The following GSPT1 variants were observed in gnomAD, a reference collection of about 807,000 sequenced individuals.
GSPT1 encodes the protein eukaryotic peptide chain release factor GTP-binding subunit ERF3A.
Under a neutral mutation model 72.5 loss-of-function variants are expected in GSPT1, and 20 were observed. That is an observed-to-expected ratio of 0.28 (90% confidence interval 0.19 to 0.40). The LOEUF (loss-of-function observed/expected upper bound fraction) is 0.40, where lower values mean the gene tolerates loss of function less well. GSPT1 is among the 10% of genes least tolerant of loss of function. The pLI is 1.00. For missense variants in GSPT1, 580 were observed against 811.9 expected (o/e 0.71, Z 3.47); for synonymous variants, 334 against 293.5 (o/e 1.14, Z -1.41).
chr16:11,882,690 C>T (rs2054136165), intron 11 of GSPT1: 2 of 196,336 alleles, frequency 1.0e-5, no homozygotes, highest in East Asian at 2.3e-4. Context: ...CATGATGGCT[C>T]ACGCCCGTAA....
intron 6 of GSPT1, among the ~76,000 whole-genome samples, chr16:11,889,235 G>A (rs1444319173): frequency 2.0e-5 from 3 of 151,816 alleles, no homozygotes; most frequent in East Asian, 1.9e-4. Context: ...GTGAACCCAG[G>A]AGGTGGAGCT....
Position 11,915,569 on chromosome 16 carries a change from G to C in GSPT1, c.152C>G (p.Ala51Gly). The change falls in exon 1 of 15, where the codon GCG becomes GGG. Residue 51 changes from alanine (A) to glycine (G), a missense_variant. Coordinates refer to ENST00000434724, the MANE Select transcript of GSPT1 (RefSeq NM_002094.4). ...PGPCGGGGSL[A>G]AAAEAQRENL... ...CTCCCGCTGGGCCTCGGCCGCCGCC[G>C]CCAGGGAGCCGCCGCCGCCGCAAGG... 6.7e-7 allele frequency: 1 copy of C among 1,488,992 alleles called. No homozygotes were observed. The highest frequency in any genetic ancestry group is 8.9e-7 in the Non-Finnish European group (1 of 1,119,970). The allele number at this position is 1,488,992 out of a possible 1,614,324, so 92.2% of individuals were successfully genotyped here.
At chr16:11,911,068 T>G (rs145155105) in intron 1 of GSPT1, among the ~76,000 whole-genome samples, 16 of 152,376 alleles carry the variant, frequency 1.1e-4, no homozygotes, top group African/African-American at 3.8e-4. Flanking sequence ...CCCCATCTGC[T>G]GTCCCACTGA....
chr16:11,901,633 A>ATATG (rs2054407837), intron 1 of GSPT1, among the ~76,000 whole-genome samples: 2 of 150,712 alleles, frequency 1.3e-5, no homozygotes, highest in South Asian at 4.2e-4. Context: ...ATATATATAT[A>ATATG]TATATGAATT....
intron 12 of GSPT1, 80 bp from the exon 13 acceptor site, chr16:11,876,255 C>A: frequency 1.1e-6 from 1 of 884,372 alleles, no homozygotes; most frequent in Non-Finnish European, 1.9e-6. Flanking sequence ...CATATAAATC[C>A]CAAGAATTAG....
chr16:11,892,081 T>C (rs1414367622), intron 5 of GSPT1, among the ~76,000 whole-genome samples: 1 of 151,766 alleles, frequency 6.6e-6, no homozygotes, highest in Non-Finnish European at 1.5e-5. Context: ...TGATGGCTCA[T>C]GCCCGTAATC....
intron 1 of GSPT1, among the ~76,000 whole-genome samples, chr16:11,898,691 C>T (rs1415712176): frequency 6.6e-6 from 1 of 152,076 alleles, no homozygotes; most frequent in Non-Finnish European, 1.5e-5. Context: ...CTCAGGTGTT[C>T]TGCCCACCTC....
At chr16:11,892,128 G>A (rs1485135424) in intron 5 of GSPT1, among the ~76,000 whole-genome samples, 2 of 151,414 alleles carry the variant, frequency 1.3e-5, no homozygotes, top group African/African-American at 4.9e-5. Flanking sequence ...AGGATCCCTT[G>A]AGGCCAGGAG....
Position 11,872,683 on chromosome 16 carries a change from A to C in GSPT1, c.*436T>G, listed in dbSNP as rs1167119406. 1 of 154,626 alleles carries C rather than the reference A, an allele frequency of 6.5e-6. No homozygotes were observed. The highest frequency in any genetic ancestry group is 1.4e-5 in the Non-Finnish European group (1 of 69,592). 9.6% of individuals were successfully genotyped at this position (154,626 alleles called of 1,614,324 possible). A position where few individuals can be genotyped will look rare whatever the true frequency, so the allele number is the denominator to read the frequency against. On this transcript the variant is annotated 3_prime_UTR_variant, in exon 15 of 15. Transcript: ENST00000434724. The stretch of plus-strand genomic sequence containing the variant: ...CAATTCAAATACCGAAAAGGATTTC[A>C]AATTGAATATTTTATTAACATGGTA...
intron 1 of GSPT1, among the ~76,000 whole-genome samples, chr16:11,898,719 G>C (rs916030878): frequency 6.6e-6 from 1 of 151,562 alleles, no homozygotes; most frequent in African/African-American, 2.4e-5. Context: ...CAAAGTGCTG[G>C]GATTACAGGC....
At chr16:11,887,016 C>G (rs2054192892) in intron 7 of GSPT1, 85 bp from the exon 8 acceptor site, 1 of 888,280 alleles carries the variant, frequency 1.1e-6, no homozygotes, top group Non-Finnish European at 1.6e-6. Context: ...TCAGTTATAT[C>G]ACGAGTTTTT....
chr16:11,910,151 C>G lies in GSPT1; in HGVS notation c.352+5218G>C, dbSNP rs373120251. Among the ~76,000 whole-genome samples, 209 of 152,246 alleles carry G rather than the reference C, an allele frequency of 1.4e-3. 3 individuals carry two copies. The South Asian group carries it at 0.037, about 27-fold the overall frequency. ...AATACACACAACCTTGGTGATCAGG[C>G]TTTGGCTGCAACTCTGGCCCAGGAG... is the stretch of plus-strand genomic sequence containing the variant. On this transcript the variant is annotated intron_variant, in intron 1 of 14. Coordinates refer to ENST00000434724, the MANE Select transcript of GSPT1 (RefSeq NM_002094.4).
chr16:11,902,847 A>T (rs1208075060), intron 1 of GSPT1, among the ~76,000 whole-genome samples: 1 of 151,838 alleles, frequency 6.6e-6, no homozygotes, highest in Non-Finnish European at 1.5e-5. Context: ...TCAGCCTCCC[A>T]AAGTCCCGGG....
In GSPT1 at chr16:11,882,974, A is replaced by G. The variant is rs375542741; in HGVS notation, c.1428+41T>C. The G allele has an allele frequency of 5.5e-5, 73 of 1,328,080 alleles. No individual in the cohort carries two copies. In the African/African-American group the frequency reaches 8.8e-4, roughly 16 times the overall value. The allele number at this position is 1,328,080 out of a possible 1,614,324, so 82.3% of individuals were successfully genotyped here. ...CCTATCTCTTAAAGAAAAAGAAAAA[A>G]AATCAATAAATAGATAGGAAACAGC... On this transcript the variant is annotated intron_variant, in intron 11 of 14. Transcript: ENST00000434724.
intron 10 of GSPT1, 62 bp downstream of exon 10, chr16:11,885,119 A>G: frequency 1.3e-6 from 1 of 793,442 alleles, no homozygotes; most frequent in Non-Finnish European, 2.2e-6. Context: ...AAAACTAGAA[A>G]CAAAATGCAC....
chr16:11,904,806 C>A (rs1473088201), intron 1 of GSPT1, among the ~76,000 whole-genome samples: 1 of 152,184 alleles, frequency 6.6e-6, no homozygotes, highest in Non-Finnish European at 1.5e-5. Flanking sequence ...AATCTTCAAG[C>A]CGGGTGTAGT....
intron 1 of GSPT1, among the ~76,000 whole-genome samples, chr16:11,913,107 G>T (rs918857815): frequency 2.0e-5 from 3 of 152,134 alleles, no homozygotes; most frequent in African/African-American, 7.2e-5. Context: ...TTCCCCCTTT[G>T]TAAGTTCCAA....
rs1474274534 is a variant in GSPT1 at position 11,872,702 on chromosome 16, C to T, written c.*417G>A. ...GATTTCAAATTGAATATTTTATTAA[C>T]ATGGTAGTTGCCTTTGTAACATGTG... On this transcript the variant is annotated 3_prime_UTR_variant, in exon 15 of 15. Coordinates refer to ENST00000434724, the MANE Select transcript of GSPT1 (RefSeq NM_002094.4). The T allele has an allele frequency of 6.3e-6, 1 of 158,056 alleles. No homozygotes were observed. The highest frequency in any genetic ancestry group is 2.4e-5 in the African/African-American group (1 of 41,694). 9.8% of individuals were successfully genotyped at this position (158,056 alleles called of 1,614,324 possible). A position where few individuals can be genotyped will look rare whatever the true frequency, so the allele number is the denominator to read the frequency against.
intron 10 of GSPT1, among the ~76,000 whole-genome samples, chr16:11,883,519 C>G (rs1009202174): frequency 1.5e-4 from 23 of 150,380 alleles, no homozygotes; most frequent in African/African-American, 5.4e-4. Context: ...ACTCCAGAGG[C>G]TGAAGCAGAA....
Sources: allele counts gnomAD v4.1 joint callset (sites outside exome capture counted in the v4.1 genomes callset), GRCh38; gene constraint gnomAD v4.1.1; transcripts MANE v1.5; gene names NCBI Gene and HGNC (gene_info 2026-07-23, HGNC 2026-07-21).